The following P2RX5 variants were observed in gnomAD, a reference collection of about 807,000 sequenced individuals.
The protein encoded by P2RX5 is purinergic receptor P2X 5.
Under a neutral mutation model 54.1 loss-of-function variants are expected in P2RX5, and 46 were observed. That is an observed-to-expected ratio of 0.85 (90% CI 0.67 to 1.09). The LOEUF is 1.09. Among genes scored for constraint, P2RX5 ranks in the 50% least tolerant of loss-of-function variants. P2RX5 has a pLI of 0.00. For missense variants in P2RX5, 566 were observed against 549.8 expected, an observed-to-expected ratio of 1.03 and a Z score of -0.29; for synonymous variants, 226 against 226.4, an observed-to-expected ratio of 1.00 and a Z score of 0.02.
intron 6 of P2RX5, 55 bp from the exon 7 acceptor site, chr17:3,689,685 C>A: frequency 2.5e-6 from 4 of 1,611,960 alleles, no homozygotes; most frequent in South Asian, 1.1e-5. Flanking sequence ...TGTTTCCCGG[C>A]CTGGCCAGGA....
At chr17:3,699,853 A>AAAAG (rs752465811), upstream of P2RX5, among the ~76,000 whole-genome samples, 195 of 80,792 alleles carry the variant, frequency 2.4e-3, 6 homozygotes, top group South Asian at 7.0e-3. Context: ...AGAAAAAGAA[A>AAAAG]AAAGAAAGAA....
Position 3,673,282 on chromosome 17 carries a change from A to T in P2RX5, c.*586T>A. The T allele has an allele frequency of 1.0e-6, 1 of 991,826 alleles. No homozygotes were observed. The allele number at this position is 991,826 out of a possible 1,614,324, so 61.4% of individuals were successfully genotyped here. A position where few individuals can be genotyped will look rare whatever the true frequency, so the allele number is the denominator to read the frequency against. ...ACCAAATAAGAGTGTCAGAGAATAC[A>T]TATCTTGGGCAGGTCCCAGAAAGCG... is the stretch of plus-strand genomic sequence containing the variant. On this transcript the variant is annotated 3_prime_UTR_variant, in exon 12 of 12. Transcript: ENST00000225328.
chr17:3,712,868 G>A, the P2RX5 span, among the ~76,000 whole-genome samples: 25 of 152,096 alleles, frequency 1.6e-4, no homozygotes, highest in South Asian at 2.1e-3. Context: ...GCTGGAACCC[G>A]GGAGGCGGAG....
At chr17:3,695,829 G>C in intron 1 of P2RX5, 40 bp downstream of exon 1, 1 of 1,586,536 alleles carries the variant, frequency 6.3e-7, no homozygotes, top group Non-Finnish European at 8.6e-7. Context: ...CACCCGCCCT[G>C]CCCCTCCCCC....
chr17:3,690,528 AGGG>A lies in P2RX5; in HGVS notation c.437-8_437-6del. 1 of 1,613,328 alleles carries A rather than the reference AGGG, an allele frequency of 6.2e-7. No homozygotes were observed. The highest frequency in any genetic ancestry group is 8.5e-7 in the Non-Finnish European group (1 of 1,179,692). The stretch of plus-strand genomic sequence containing the variant: ...GGCAGCGGCCGGTCTTCACTCCTGC[AGGG>A]GTGGGACAGGATCAATGCCAGGAGC... On this transcript the variant is annotated splice_polypyrimidine_tract_variant and splice_region_variant and intron_variant, in intron 4 of 11. Coordinates refer to ENST00000225328, the MANE Select transcript of P2RX5 (RefSeq NM_002561.4).
At chr17:3,723,720 G>GA in the P2RX5 span, 2 of 1,605,640 alleles carry the variant, frequency 1.2e-6, no homozygotes, top group Non-Finnish European at 1.7e-6. Context: ...GCGCGCTCCT[G>GA]ACTCCAGGTG....
chr17:3,680,244 C>T (rs190085), intron 10 of P2RX5, among the ~76,000 whole-genome samples: 109 of 118,886 alleles, frequency 9.2e-4, no homozygotes, highest in Middle Eastern at 0.012. Flanking sequence ...CTCCACCCAG[C>T]GTCCTCCACC....
the P2RX5 span, among the ~76,000 whole-genome samples, chr17:3,701,705 A>AAAAAAAT: frequency 2.7e-4 from 40 of 147,176 alleles, no homozygotes; most frequent in South Asian, 2.6e-3. Flanking sequence ...AGAAAAAAAA[A>AAAAAAAT]AAAAAAAAAA....
chr17:3,690,400 C>T (rs770581179), intron 5 of P2RX5, 27 bp downstream of exon 5: 2 of 1,565,806 alleles, frequency 1.3e-6, no homozygotes, highest in East Asian at 4.6e-5. Flanking sequence ...GGAAACCCCT[C>T]AGGGTCCTGA....
chr17:3,692,397 A>C (rs1478670497), intron 1 of P2RX5, among the ~76,000 whole-genome samples: 1 of 152,228 alleles, frequency 6.6e-6, no homozygotes, highest in East Asian at 1.9e-4. Context: ...CCTGGGCTGA[A>C]GCCACATACT....
chr17:3,711,065 T>G, the P2RX5 span, among the ~76,000 whole-genome samples: 1 of 152,210 alleles, frequency 6.6e-6, no homozygotes, highest in Non-Finnish European at 1.5e-5. Context: ...CTATGCAAGC[T>G]CTACCATTTC....
At chr17:3,681,079 C>T (rs1331554053) in intron 10 of P2RX5, among the ~76,000 whole-genome samples, 3 of 152,220 alleles carry the variant, frequency 2.0e-5, no homozygotes, top group African/African-American at 7.2e-5. Context: ...CAGCGTCCTC[C>T]ACCCGGCTTC....
chr17:3,699,958 G>T (rs910793448), upstream of P2RX5, among the ~76,000 whole-genome samples: 1 of 137,482 alleles, frequency 7.3e-6, no homozygotes, highest in Non-Finnish European at 1.7e-5. Context: ...AAGAAAGAAA[G>T]AAAGAAAGAA....
intron 9 of P2RX5, among the ~76,000 whole-genome samples, chr17:3,683,729 C>CA (rs59622313): frequency 0.11 from 6,329 of 58,350 alleles, 371 homozygotes; most frequent in African/African-American, 0.22. Context: ...GACTCCGTCT[C>CA]AAAAAAAAAA....
chr17:3,673,761 T>C lies in P2RX5; in HGVS notation c.*107A>G. 1 of 1,610,836 alleles carries C rather than the reference T, an allele frequency of 6.2e-7. No individual in the cohort carries two copies. Among genetic ancestry groups the C allele is most frequent in the Non-Finnish European group, 8.5e-7 (1 of 1,179,400 alleles). Reference sequence around the variant, plus strand: ...GTGATGTGGCATTGATAGCACCCAATGTACAAATTTCCCGTTGGGCAGCAT... The same window carrying C: ...GTGATGTGGCATTGATAGCACCCAACGTACAAATTTCCCGTTGGGCAGCAT... On this transcript the variant is annotated 3_prime_UTR_variant, in exon 12 of 12. Coordinates refer to ENST00000225328, the MANE Select transcript of P2RX5 (RefSeq NM_002561.4).
At chr17:3,691,100 T>A in intron 2 of P2RX5, 73 bp from the exon 3 acceptor site, 1 of 1,130,734 alleles carries the variant, frequency 8.8e-7, no homozygotes, top group Non-Finnish European at 1.3e-6. Context: ...CAGCGTTACC[T>A]GAAAGAGGGC....
In P2RX5 at chr17:3,680,961, G is replaced by A. The variant is rs1200062752; in HGVS notation, c.1064+935C>T. Among the ~76,000 whole-genome samples, 10 of 117,180 alleles carry A rather than the reference G, an allele frequency of 8.5e-5. 1 individual carries two copies. The highest frequency in any genetic ancestry group is 8.7e-5 in the Non-Finnish European group (5 of 57,250). The allele number at this position is 117,180 out of a possible 152,430, so 76.9% of individuals were successfully genotyped here. A position where few individuals can be genotyped will look rare whatever the true frequency, so the allele number is the denominator to read the frequency against. Reference sequence around the variant, plus strand: ...CTCCACCCTGCGTCCTCCACCCAGCGTCCTCCACCCTGCATCCTCCACCCA... The same window carrying A: ...CTCCACCCTGCGTCCTCCACCCAGCATCCTCCACCCTGCATCCTCCACCCA... On this transcript the variant is annotated intron_variant, in intron 10 of 11. Transcript: ENST00000225328.
upstream of P2RX5, among the ~76,000 whole-genome samples, chr17:3,699,052 G>GACACACACACAC (rs71379596): frequency 2.4e-5 from 1 of 40,848 alleles, no homozygotes; most frequent in African/African-American, 4.8e-5. Context: ...TATATAGACA[G>GACACACACACAC]ACACACACAC....
intron 1 of P2RX5, among the ~76,000 whole-genome samples, chr17:3,692,174 A>G (rs549704135): frequency 2.9e-3 from 435 of 150,668 alleles, no homozygotes; most frequent in African/African-American, 0.01. Flanking sequence ...AAAATTAGCC[A>G]GGCGTGGTGG....
Sources: allele counts gnomAD v4.1 joint callset (sites outside exome capture counted in the v4.1 genomes callset), GRCh38; gene constraint gnomAD v4.1.1; transcripts MANE v1.5; gene names NCBI Gene and HGNC (gene_info 2026-07-23, HGNC 2026-07-21).